The following ACOT9 variants were observed in gnomAD, a reference collection of about 807,000 sequenced individuals.
ACOT9 encodes acyl-coenzyme A thioesterase 9, mitochondrial.
ACOT9 carries 34 observed loss-of-function variants against 39.7 expected under a neutral mutation model. The observed-to-expected ratio is 0.86, with a 90% confidence interval of 0.65 to 1.14. ACOT9 has a LOEUF of 1.14. Among genes scored for constraint, ACOT9 ranks in the 50% most tolerant of loss-of-function variants. The pLI, the probability that ACOT9 is intolerant of heterozygous loss-of-function variation, is 0.00. For missense variants in ACOT9, 313 were observed against 344.1 expected (o/e 0.91, Z 0.71); for synonymous variants, 110 against 120.5 (o/e 0.91, Z 0.57).
At chrX:23,722,843 T>C in intron 6 of ACOT9, 90 bp from the exon 7 acceptor site, 1 of 547,578 alleles carries the variant, frequency 1.8e-6, no homozygotes, top group Admixed American at 3.1e-5. Flanking sequence ...ATGAAAAGCC[T>C]TGTCTCGCTT....
intron 3 of ACOT9, among the ~76,000 whole-genome samples, chrX:23,733,910 C>T (rs761007318): frequency 8.9e-6 from 1 of 112,159 alleles, no homozygotes; most frequent in African/African-American, 3.2e-5. Context: ...TGCAGGCAGG[C>T]ATCACCATGC....
intron 6 of ACOT9, among the ~76,000 whole-genome samples, chrX:23,728,700 C>T: frequency 9.0e-6 from 1 of 111,567 alleles, no homozygotes; most frequent in Non-Finnish European, 1.9e-5. Context: ...GGAATAATGA[C>T]CACTCCCAAC....
chrX:23,704,917 G>A (rs985225997), intron 14 of ACOT9, 73 bp from the exon 15 acceptor site: 1 of 1,174,215 alleles, frequency 8.5e-7, no homozygotes, highest in African/African-American at 1.8e-5. Context: ...AGAGAAAACA[G>A]TGGCTTTTTG....
chrX:23,725,098 G>T (rs1929461123), intron 6 of ACOT9, among the ~76,000 whole-genome samples: 1 of 111,364 alleles, frequency 9.0e-6, no homozygotes, highest in South Asian at 3.7e-4. Context: ...CCAAAAAAGG[G>T]CAGAAGGGAA....
At chrX:23,709,394 G>A (rs995551349) in intron 9 of ACOT9, among the ~76,000 whole-genome samples, 1 of 111,568 alleles carries the variant, frequency 9.0e-6, no homozygotes, top group East Asian at 2.8e-4. Flanking sequence ...CCTCTGTCTT[G>A]AAAACAAAAA....
intron 1 of ACOT9, among the ~76,000 whole-genome samples, chrX:23,737,138 C>T (rs1929970569): frequency 9.0e-6 from 1 of 110,888 alleles, no homozygotes; most frequent in Admixed American, 9.7e-5. Context: ...CATGGTGAAA[C>T]ACTGTCTGTA....
chrX:23,730,444 A>T, intron 6 of ACOT9, 83 bp downstream of exon 6: 1 of 772,435 alleles, frequency 1.3e-6, no homozygotes, highest in Non-Finnish European at 2.0e-6. Flanking sequence ...GTGCAGGTTA[A>T]AGAATAAAAG....
Position 23,743,138 on chromosome X carries a change from G to A in ACOT9, c.7C>T (p.Arg3Trp). The A allele has an allele frequency of 4.3e-6, 5 of 1,160,387 alleles. No individual in the cohort carries two copies. The highest frequency in any genetic ancestry group is 4.6e-6 in the Non-Finnish European group (4 of 868,950). MR[R>W]AALRLCALGK... The stretch of plus-strand genomic sequence containing the variant: ...CCCGCCACCTACCGCAGTGCTGCCC[G>A]CCTCATTGCGCTAGGCTGCCGTGCG... Residue 3 changes from arginine to tryptophan, a missense_variant, in exon 1 of 16, where the codon CGG becomes TGG. Arg to Trp is a moderately radical substitution (Grantham distance 101). Coordinates refer to ENST00000379303, the MANE Select transcript of ACOT9 (RefSeq NM_001037171.2).
chrX:23,708,420 C>G (rs905438206), intron 9 of ACOT9, among the ~76,000 whole-genome samples: 6 of 110,552 alleles, frequency 5.4e-5, no homozygotes, highest in Non-Finnish European at 1.1e-4. Context: ...ATCCCAGCTA[C>G]TCGGGAGGCT....
Position 23,730,092 on chromosome X carries a change from A to ATTTTT in ACOT9, c.400+430_400+434dup, listed in dbSNP as rs34896210. Among the ~76,000 whole-genome samples the ATTTTT allele has an allele frequency of 2.0e-4, 16 of 78,478 alleles. 2 individuals are homozygous for ATTTTT. Among genetic ancestry groups the ATTTTT allele is most frequent in the Admixed American group, 3.4e-4 (2 of 5,892 alleles). 68.1% of individuals were successfully genotyped at this position (78,478 alleles called of 115,157 possible). On this transcript the variant is annotated intron_variant, in intron 6 of 15. Coordinates refer to ENST00000379303, the MANE Select transcript of ACOT9 (RefSeq NM_001037171.2). The stretch of plus-strand genomic sequence containing the variant: ...TGACAATTCAGAAGTAGTAGATGCC[A>ATTTTT]TTTTTTTTTTTTTTTTTTGGAGATG...
At chrX:23,728,245 G>A (rs1390161921) in intron 6 of ACOT9, among the ~76,000 whole-genome samples, 1 of 111,080 alleles carries the variant, frequency 9.0e-6, no homozygotes, top group Admixed American at 9.7e-5. Flanking sequence ...TAGGGTGCTG[G>A]CATCCAAGCA....
chrX:23,725,419 C>T (rs1238768775), intron 6 of ACOT9, among the ~76,000 whole-genome samples: 1 of 94,604 alleles, frequency 1.1e-5, no homozygotes, highest in Non-Finnish European at 2.0e-5. Flanking sequence ...TACAGTGAGC[C>T]GAGATGGTGC....
intron 9 of ACOT9, among the ~76,000 whole-genome samples, chrX:23,712,777 C>T (rs775106814): frequency 4.5e-5 from 5 of 112,082 alleles, no homozygotes; most frequent in South Asian, 3.7e-4. Context: ...CGTGCCACCA[C>T]GCCCAGCTAA....
At chrX:23,729,869 G>A (rs977052335) in intron 6 of ACOT9, among the ~76,000 whole-genome samples, 1 of 111,418 alleles carries the variant, frequency 9.0e-6, no homozygotes, top group Non-Finnish European at 1.9e-5. Flanking sequence ...CTGACCTTGT[G>A]ATCTGCCTGC....
At chrX:23,733,709 G>A (rs1378584911) in intron 3 of ACOT9, among the ~76,000 whole-genome samples, 1 of 111,137 alleles carries the variant, frequency 9.0e-6, no homozygotes, top group Non-Finnish European at 1.9e-5. Flanking sequence ...CTCCCAAGTA[G>A]CTGGGATTAC....
intron 8 of ACOT9, among the ~76,000 whole-genome samples, chrX:23,718,469 A>G (rs1166330508): frequency 8.9e-6 from 1 of 112,473 alleles, no homozygotes; most frequent in Non-Finnish European, 1.9e-5. Flanking sequence ...TTCTCTCTCA[A>G]TAATTCCTGT....
chrX:23,728,710 C>A (rs563075360), intron 6 of ACOT9, among the ~76,000 whole-genome samples: 1 of 111,686 alleles, frequency 9.0e-6, no homozygotes, highest in Non-Finnish European at 1.9e-5. Context: ...CCACTCCCAA[C>A]GCACATATCT....
At chrX:23,711,468 G>A (rs1269637469) in intron 9 of ACOT9, among the ~76,000 whole-genome samples, 3 of 112,736 alleles carry the variant, frequency 2.7e-5, no homozygotes, top group African/African-American at 9.7e-5. Context: ...CAAGAATGAA[G>A]CATTGATCCT....
At position 23,704,754 on chromosome X, in the gene ACOT9, A is replaced by G; in HGVS notation, c.1198T>C (p.Phe400Leu). Residue 400 changes from phenylalanine (F) to leucine (L), a missense_variant, in exon 15 of 16, where the codon TTT becomes CTT. Physicochemically the swap from Phe to Leu is conservative, Grantham distance 22. Transcript: ENST00000379303. ...TTTTCCGACATGAACGTGAAATGAA[A>G]GACATTGGTGGTTGTATGCTGCTTC... ...QEKQHTTTNV[F>L]HFTFMSEKEV... 1 of 1,211,581 alleles carries G rather than the reference A, an allele frequency of 8.3e-7. No homozygotes were observed. Among genetic ancestry groups the G allele is most frequent in the Non-Finnish European group, 1.1e-6 (1 of 895,154 alleles).
Sources: allele counts gnomAD v4.1 joint callset (sites outside exome capture counted in the v4.1 genomes callset), GRCh38; gene constraint gnomAD v4.1.1; transcripts MANE v1.5; gene names NCBI Gene and HGNC (gene_info 2026-07-23, HGNC 2026-07-21).